The following IL7 variants were observed in gnomAD, a reference collection of about 807,000 sequenced individuals.
IL7 encodes the protein interleukin 7.
IL7 carries 3 observed loss-of-function variants against 21.6 expected under a neutral mutation model. That is an observed-to-expected ratio of 0.14 (90% confidence interval 0.06 to 0.36). The LOEUF (loss-of-function observed/expected upper bound fraction) is 0.36. Among genes scored for constraint, IL7 ranks in the 10% least tolerant of loss-of-function variants. IL7 has a pLI of 1.00. For missense variants in IL7, 175 were observed against 200.2 expected (o/e 0.87, Z 0.76); for synonymous variants, 62 against 68.1 (o/e 0.91, Z 0.44).
chr8:78,710,887 A>G (rs778945850), intron 3 of IL7, among the ~76,000 whole-genome samples: 5 of 152,174 alleles, frequency 3.3e-5, no homozygotes, highest in Non-Finnish European at 7.4e-5. Context: ...CCTGCTATGT[A>G]TAAGCTACTG....
chr8:78,697,623 T>C (rs1415567815), intron 3 of IL7: 1 of 709,668 alleles, frequency 1.4e-6, no homozygotes, highest in African/African-American at 1.9e-5. Flanking sequence ...AGAAGAGATG[T>C]AGAAGTTAAG....
At chr8:78,717,807 C>T (rs1811152699), downstream of IL7, 1 of 181,832 alleles carries the variant, frequency 5.5e-6, no homozygotes, top group South Asian at 1.4e-4. Flanking sequence ...ACGTTAAGTA[C>T]ATTTCCACAA....
At chr8:78,799,157 T>C (rs1813966972) in intron 1 of IL7, among the ~76,000 whole-genome samples, 1 of 152,178 alleles carries the variant, frequency 6.6e-6, no homozygotes, top group Non-Finnish European at 1.5e-5. Flanking sequence ...GTATTTCCTG[T>C]GAATTTCCCA....
chr8:78,727,436 G>A (rs1811357562), intron 3 of IL7, among the ~76,000 whole-genome samples: 1 of 152,012 alleles, frequency 6.6e-6, no homozygotes. Flanking sequence ...TAGAAGAATA[G>A]TACAGAATCC....
chr8:78,716,370 A>T (rs2953476), downstream of IL7, among the ~76,000 whole-genome samples: 1 of 151,670 alleles, frequency 6.6e-6, no homozygotes, highest in South Asian at 2.1e-4. Context: ...TGATCCACCC[A>T]CCTTGGCCTC....
At chr8:78,750,987 T>C (rs1812148869) in intron 2 of IL7, among the ~76,000 whole-genome samples, 1 of 150,884 alleles carries the variant, frequency 6.6e-6, no homozygotes, top group Admixed American at 6.6e-5. Context: ...AGAAAGAAAA[T>C]ATGCCTTTGA....
chr8:78,733,693 A>C lies in IL7; in HGVS notation c.*20T>G. ...GGATGCAGCTAAAGTTCGTGTTTCT[A>C]TATTGCCACTCCATATTTTTCAGTG... On this transcript the variant is annotated 3_prime_UTR_variant, in exon 6 of 6. Transcript: ENST00000263851. 1 of 1,593,042 alleles carries C rather than the reference A, an allele frequency of 6.3e-7. No individual in the cohort carries two copies. The highest frequency in any genetic ancestry group is 8.5e-7 in the Non-Finnish European group (1 of 1,172,430).
At chr8:78,791,898 T>C (rs1436108621) in intron 2 of IL7, among the ~76,000 whole-genome samples, 1 of 152,134 alleles carries the variant, frequency 6.6e-6, no homozygotes, top group Non-Finnish European at 1.5e-5. Flanking sequence ...GAGATTTAGA[T>C]TGCATTTAAA....
At chr8:78,716,713 G>T (rs1032947200), downstream of IL7, among the ~76,000 whole-genome samples, 5 of 152,088 alleles carry the variant, frequency 3.3e-5, no homozygotes, top group African/African-American at 1.2e-4. Context: ...GATGGAAAGC[G>T]ATGTGGTTTG....
intron 2 of IL7, among the ~76,000 whole-genome samples, chr8:78,765,567 A>C (rs1193413721): frequency 6.6e-6 from 1 of 152,172 alleles, no homozygotes; most frequent in Non-Finnish European, 1.5e-5. Context: ...ATAGCAAATA[A>C]GCATATGAAA....
At chr8:78,757,889 G>A (rs1220302040) in intron 2 of IL7, among the ~76,000 whole-genome samples, 1 of 152,036 alleles carries the variant, frequency 6.6e-6, no homozygotes, top group Non-Finnish European at 1.5e-5. Flanking sequence ...ATGATTGTGG[G>A]TCTTTCCCAT....
chr8:78,802,363 A>G (rs376770486), intron 1 of IL7, among the ~76,000 whole-genome samples: 1 of 152,244 alleles, frequency 6.6e-6, no homozygotes, highest in African/African-American at 2.4e-5. Flanking sequence ...CAAGTTATTC[A>G]CATTTATAGA....
chr8:78,768,672 C>T (rs1812842921), intron 2 of IL7, among the ~76,000 whole-genome samples: 2 of 151,512 alleles, frequency 1.3e-5, no homozygotes, highest in South Asian at 2.1e-4. Flanking sequence ...TGGATATTAG[C>T]CCTTTGTCAG....
chr8:78,720,840 T>C (rs1023314232), intron 5 of IL7, among the ~76,000 whole-genome samples: 1 of 151,932 alleles, frequency 6.6e-6, no homozygotes, highest in African/African-American at 2.4e-5. Context: ...ATATTTCATC[T>C]TAGTTCTACC....
At chr8:78,779,140 T>G (rs192175934) in intron 2 of IL7, among the ~76,000 whole-genome samples, 1 of 152,344 alleles carries the variant, frequency 6.6e-6, no homozygotes, top group African/African-American at 2.4e-5. Context: ...AAGAAGCTTT[T>G]GGGCTGAGAC....
chr8:78,684,716 A>G (rs1321924894), intron 4 of IL7, among the ~76,000 whole-genome samples: 1 of 152,222 alleles, frequency 6.6e-6, no homozygotes, highest in Non-Finnish European at 1.5e-5. Flanking sequence ...CTCAGCAAAC[A>G]GGCTCTTGAG....
chr8:78,677,541 T>G (rs75284274), intron 4 of IL7, among the ~76,000 whole-genome samples: 5,614 of 152,246 alleles, frequency 0.037, 314 homozygotes, highest in African/African-American at 0.13. Context: ...TTATGTTAAC[T>G]TTAGTAATCC....
At chr8:78,725,502 G>GTTA (rs991618403) in intron 3 of IL7, among the ~76,000 whole-genome samples, 12 of 151,762 alleles carry the variant, frequency 7.9e-5, no homozygotes, top group African/African-American at 2.2e-4. Flanking sequence ...ATAGCTTTTA[G>GTTA]TTATTATTAT....
chr8:78,716,806 G>C (rs927476601), downstream of IL7, among the ~76,000 whole-genome samples: 1 of 152,126 alleles, frequency 6.6e-6, no homozygotes, highest in Non-Finnish European at 1.5e-5. Flanking sequence ...ATTGGATCAT[G>C]GGGGTGGACT....
Sources: allele counts gnomAD v4.1 joint callset (sites outside exome capture counted in the v4.1 genomes callset), GRCh38; gene constraint gnomAD v4.1.1; transcripts MANE v1.5; gene names NCBI Gene and HGNC (gene_info 2026-07-23, HGNC 2026-07-21).